AUH: variants seen among roughly 807,000 people sequenced by gnomAD.
AUH encodes the protein methylglutaconyl-CoA hydratase, mitochondrial.
In AUH, 29 loss-of-function variants were observed where a neutral mutation model predicts 42.3. The ratio of observed to expected loss-of-function variants is 0.69; its 90% confidence interval spans 0.51 to 0.93. AUH has a LOEUF of 0.93. Ranked by LOEUF, AUH falls within the 40% of genes least tolerant of loss-of-function variation. The pLI is 0.00. For missense variants in AUH, 452 were observed against 438.1 expected, an observed-to-expected ratio of 1.03 and a Z score of -0.28; for synonymous variants, 174 against 166.4, an observed-to-expected ratio of 1.05 and a Z score of -0.35.
chr9:91,329,194 T>A (rs959449017), intron 3 of AUH, among the ~76,000 whole-genome samples: 1 of 152,166 alleles, frequency 6.6e-6, no homozygotes, highest in Non-Finnish European at 1.5e-5. Flanking sequence ...AATGCTGATA[T>A]GGACATTCAC....
chr9:91,347,559 G>C (rs1831620792), intron 3 of AUH, among the ~76,000 whole-genome samples: 1 of 152,074 alleles, frequency 6.6e-6, no homozygotes, highest in Non-Finnish European at 1.5e-5. Context: ...AAGCTATCTA[G>C]GGTCATCTCA....
Position 91,262,202 on chromosome 9 carries a change from A to C in AUH, c.655+33819T>G, listed in dbSNP as rs527253837. On this transcript the variant is annotated intron_variant, in intron 6 of 9. Transcript: ENST00000375731. ...AAATTCGAGTTAACTAACATCATTA[A>C]AGAGTAGTTTATACATCCATTACTC... 2.6e-5 allele frequency among the ~76,000 whole-genome samples: 4 copies of C among 152,324 alleles called. No homozygotes were observed. The South Asian group carries it at 8.3e-4, about 32-fold the overall frequency.
intron 6 of AUH, among the ~76,000 whole-genome samples, chr9:91,246,321 T>G (rs1828791849): frequency 6.6e-6 from 1 of 152,156 alleles, no homozygotes; most frequent in South Asian, 2.1e-4. Flanking sequence ...GCATAGTTAC[T>G]GGACAAGACA....
At chr9:91,359,530 T>G (rs114014859) in intron 1 of AUH, among the ~76,000 whole-genome samples, 2 of 152,020 alleles carry the variant, frequency 1.3e-5, no homozygotes, top group Non-Finnish European at 2.9e-5. Flanking sequence ...GGCTCCATCA[T>G]AGCTCACTGC....
At chr9:91,284,287 C>T (rs1023808252) in intron 6 of AUH, among the ~76,000 whole-genome samples, 3 of 152,122 alleles carry the variant, frequency 2.0e-5, no homozygotes, top group African/African-American at 4.8e-5. Context: ...TGGATCCCTT[C>T]CTTATAACTT....
At chr9:91,302,694 T>TG (rs1827896278) in intron 4 of AUH, among the ~76,000 whole-genome samples, 1 of 151,020 alleles carries the variant, frequency 6.6e-6, no homozygotes, top group African/African-American at 2.4e-5. Context: ...GCTTGAACCC[T>TG]GGAGGCAGAG....
At chr9:91,309,003 G>GCTGGTCTCGAA (rs1828465718) in intron 4 of AUH, among the ~76,000 whole-genome samples, 1 of 151,724 alleles carries the variant, frequency 6.6e-6, no homozygotes, top group African/African-American at 2.4e-5. Flanking sequence ...TGTTGGCCAG[G>GCTGGTCTCGAA]CTGGTCTCGA....
chr9:91,217,240 C>A, intron 8 of AUH, 37 bp downstream of exon 8: 1 of 1,588,912 alleles, frequency 6.3e-7, no homozygotes, highest in South Asian at 1.1e-5. Flanking sequence ...TCTCCACTCT[C>A]CATTCCCAAA....
At chr9:91,343,827 G>C (rs1831286038) in intron 3 of AUH, among the ~76,000 whole-genome samples, 1 of 152,174 alleles carries the variant, frequency 6.6e-6, no homozygotes, top group Non-Finnish European at 1.5e-5. Flanking sequence ...CAATTAACTT[G>C]AAAACTTAGA....
intron 4 of AUH, chr9:91,306,194 A>G (rs765792789): frequency 4.4e-6 from 1 of 226,718 alleles, no homozygotes; most frequent in Non-Finnish European, 7.3e-6. Context: ...TAAAATAAAA[A>G]GGGCCAACCC....
intron 6 of AUH, among the ~76,000 whole-genome samples, chr9:91,256,951 C>T (rs553396715): frequency 6.6e-6 from 1 of 152,274 alleles, no homozygotes; most frequent in South Asian, 2.1e-4. Flanking sequence ...ATCAAAGCTT[C>T]TCTCTCCTTT....
At chr9:91,215,969 T>A in intron 9 of AUH, 90 bp downstream of exon 9, 1 of 1,367,580 alleles carries the variant, frequency 7.3e-7, no homozygotes, top group Non-Finnish European at 1.0e-6. Context: ...GCAAGGGTAA[T>A]CTTGCTCAGT....
intron 3 of AUH, among the ~76,000 whole-genome samples, chr9:91,347,866 C>A (rs1000581792): frequency 1.3e-4 from 20 of 151,356 alleles, no homozygotes; most frequent in African/African-American, 4.6e-4. Flanking sequence ...TGTATACATA[C>A]GTAACAAACC....
At chr9:91,261,046 T>C (rs930831360) in intron 6 of AUH, among the ~76,000 whole-genome samples, 1 of 152,198 alleles carries the variant, frequency 6.6e-6, no homozygotes, top group African/African-American at 2.4e-5. Flanking sequence ...TTCTTTTAAA[T>C]CCTTGAGTAT....
intron 6 of AUH, among the ~76,000 whole-genome samples, chr9:91,235,292 G>A (rs200974419): frequency 2.6e-5 from 4 of 152,148 alleles, no homozygotes; most frequent in Middle Eastern, 3.2e-3. Context: ...CCGAGACAGC[G>A]CAAGGTAGGG....
At chr9:91,260,236 T>C (rs1273560973) in intron 6 of AUH, among the ~76,000 whole-genome samples, 1 of 152,152 alleles carries the variant, frequency 6.6e-6, no homozygotes. Context: ...ATGGTTAAAG[T>C]GTGTCTTTTA....
At chr9:91,336,628 C>T (rs1039484190) in intron 3 of AUH, among the ~76,000 whole-genome samples, 2 of 146,044 alleles carry the variant, frequency 1.4e-5, no homozygotes, top group African/African-American at 5.1e-5. Context: ...GAGCAAGACT[C>T]GGTCTCCAAA....
intron 6 of AUH, among the ~76,000 whole-genome samples, chr9:91,289,821 A>G (rs2131611204): frequency 6.6e-6 from 1 of 152,332 alleles, no homozygotes; most frequent in East Asian, 1.9e-4. Flanking sequence ...AAAATTTCAG[A>G]ATAGCTCCTT....
chr9:91,216,879 A>C (rs1352353656), intron 8 of AUH, among the ~76,000 whole-genome samples: 1 of 152,226 alleles, frequency 6.6e-6, no homozygotes, highest in Non-Finnish European at 1.5e-5. Flanking sequence ...GCACACTGAG[A>C]AGCTAAAGGT....
Sources: allele counts gnomAD v4.1 joint callset (sites outside exome capture counted in the v4.1 genomes callset), GRCh38; gene constraint gnomAD v4.1.1; transcripts MANE v1.5; gene names NCBI Gene and HGNC (gene_info 2026-07-23, HGNC 2026-07-21).